TBC1D2: variants seen among roughly 807,000 people sequenced by gnomAD.
TBC1D2 encodes TBC1 domain family member 2.
TBC1D2 carries 58 observed loss-of-function variants against 91.1 expected under a neutral mutation model. The ratio of observed to expected loss-of-function variants is 0.64; its 90% CI spans 0.52 to 0.79. TBC1D2 has a LOEUF of 0.79. Ranked by LOEUF, TBC1D2 falls within the 30% of genes least tolerant of loss-of-function variation. The pLI, the probability that TBC1D2 is intolerant of heterozygous loss-of-function variation, is 0.00. For missense variants in TBC1D2, 1,080 were observed against 1,208.3 expected, an observed-to-expected ratio of 0.89 and a Z score of 1.57; for synonymous variants, 482 against 511.5, an observed-to-expected ratio of 0.94 and a Z score of 0.78.
At chr9:98,213,060 C>G in intron 7 of TBC1D2, 48 bp downstream of exon 7, 2 of 1,603,340 alleles carry the variant, frequency 1.2e-6, no homozygotes, top group Non-Finnish European at 8.5e-7. Flanking sequence ...TGGGGACCAG[C>G]AGAGGGGCCA....
intron 9 of TBC1D2, among the ~76,000 whole-genome samples, chr9:98,205,578 A>T (rs556754606): frequency 6.6e-6 from 1 of 151,726 alleles, no homozygotes; most frequent in Non-Finnish European, 1.5e-5. Context: ...ACAGAGACTC[A>T]CTCTGTTGCC....
intron 9 of TBC1D2, among the ~76,000 whole-genome samples, chr9:98,206,169 G>T (rs1383198412): frequency 2.0e-5 from 3 of 150,742 alleles, no homozygotes; most frequent in African/African-American, 7.3e-5. Context: ...TGTTGGCCAG[G>T]ATGGTCTCGA....
rs1045790534 is a variant in TBC1D2 at position 98,237,503 on chromosome 9, CT to C, written c.648-3955del. 6.0e-5 allele frequency among the ~76,000 whole-genome samples: 9 copies of C among 150,322 alleles called. No homozygotes were observed. In the East Asian group the frequency reaches 7.8e-4, roughly 13 times the overall value. ...ATATTGGGAAGAGTGCGTCTTCAAA[CT>C]TTTTTTTTCTTTTTTTTTTTGAGAT... On this transcript the variant is annotated intron_variant, in intron 3 of 12. Coordinates refer to ENST00000465784, the MANE Select transcript of TBC1D2 (RefSeq NM_001267571.2).
chr9:98,208,527 A>T, intron 9 of TBC1D2, 141 bp downstream of exon 9: 2 of 750,194 alleles, frequency 2.7e-6, no homozygotes, highest in Non-Finnish European at 4.3e-6. Flanking sequence ...CTCAGGTGGT[A>T]ATGCTCTCTC....
At chr9:98,247,820 G>A (rs558220773) in intron 2 of TBC1D2, among the ~76,000 whole-genome samples, 40 of 150,688 alleles carry the variant, frequency 2.7e-4, no homozygotes, top group Admixed American at 4.6e-4. Flanking sequence ...GAACTGATTC[G>A]AAAAAAATAA....
chr9:98,200,651 G>T (rs1269257819), intron 11 of TBC1D2, among the ~76,000 whole-genome samples: 2 of 152,164 alleles, frequency 1.3e-5, no homozygotes, highest in Non-Finnish European at 2.9e-5. Context: ...CATGACTGTG[G>T]GTGAGGCACG....
intron 10 of TBC1D2, among the ~76,000 whole-genome samples, chr9:98,202,034 G>A (rs971002181): frequency 2.0e-5 from 3 of 152,168 alleles, no homozygotes; most frequent in Non-Finnish European, 4.4e-5. Context: ...CATGCCCAGG[G>A]GCCTTGGCGA....
chr9:98,242,148 C>T (rs1829652765), intron 3 of TBC1D2, among the ~76,000 whole-genome samples: 1 of 152,090 alleles, frequency 6.6e-6, no homozygotes, highest in African/African-American at 2.4e-5. Context: ...CCACATGGAA[C>T]ACAAATGCCC....
chr9:98,208,708 A>T lies in TBC1D2; in HGVS notation c.2110T>A (p.Trp704Arg). The stretch of plus-strand genomic sequence containing the variant: ...CAGTAGCCGATGGTGGGGTTCTGCC[A>T]GGAGAAGGCCAGCAGCACCCGGCGG... ...KLRRVLLAFS[W>R]QNPTIGYCQG... Residue 704 changes from tryptophan (W) to arginine (R), a missense_variant, in exon 9 of 13, where the codon TGG (tryptophan) becomes AGG (arginine). Trp to Arg is a moderately radical substitution (Grantham distance 101). Transcript: ENST00000465784. 6.5e-7 allele frequency: 1 copy of T among 1,541,932 alleles called. No individual in the cohort carries two copies. Among genetic ancestry groups the T allele is most frequent in the Non-Finnish European group, 8.8e-7 (1 of 1,141,012 alleles).
At chr9:98,243,235 A>G (rs940702602) in intron 3 of TBC1D2, among the ~76,000 whole-genome samples, 4 of 152,180 alleles carry the variant, frequency 2.6e-5, no homozygotes, top group African/African-American at 9.6e-5. Context: ...TTTGACATGT[A>G]TAGACATTTG....
chr9:98,223,030 G>A (rs10818621), intron 5 of TBC1D2, among the ~76,000 whole-genome samples: 44,504 of 152,180 alleles, frequency 0.29, 6,718 homozygotes, highest in Middle Eastern at 0.36. Flanking sequence ...GCCAGGTGCC[G>A]TGGCCCAGAG....
At chr9:98,204,431 G>A (rs550576814) in intron 9 of TBC1D2, among the ~76,000 whole-genome samples, 1 of 152,278 alleles carries the variant, frequency 6.6e-6, no homozygotes, top group East Asian at 1.9e-4. Context: ...GCACCCATGG[G>A]GGCCTAGTAG....
intron 3 of TBC1D2, among the ~76,000 whole-genome samples, chr9:98,235,983 C>A (rs1056649350): frequency 6.6e-6 from 1 of 150,892 alleles, no homozygotes; most frequent in Non-Finnish European, 1.5e-5. Flanking sequence ...TGCAGTGAGC[C>A]GAGAAAGCGC....
intron 12 of TBC1D2, among the ~76,000 whole-genome samples, chr9:98,200,030 G>A (rs1180791538): frequency 2.6e-5 from 4 of 152,158 alleles, no homozygotes; most frequent in Non-Finnish European, 5.9e-5. Flanking sequence ...TTCAGGGTAG[G>A]GGAAGGTGGG....
intron 9 of TBC1D2, among the ~76,000 whole-genome samples, chr9:98,207,633 G>A (rs1487227752): frequency 6.6e-6 from 1 of 152,242 alleles, no homozygotes; most frequent in Non-Finnish European, 1.5e-5. Flanking sequence ...CTCACTGAAA[G>A]GCTCAAGACT....
intron 3 of TBC1D2, among the ~76,000 whole-genome samples, chr9:98,240,176 T>TGTGTGC (rs1220692999): frequency 6.6e-6 from 1 of 151,832 alleles, no homozygotes; most frequent in Non-Finnish European, 1.5e-5. Context: ...GGTGTGTGTG[T>TGTGTGC]GTGTGTGTGT....
At chr9:98,250,439 G>A (rs1384277834) in intron 2 of TBC1D2, among the ~76,000 whole-genome samples, 2 of 152,146 alleles carry the variant, frequency 1.3e-5, no homozygotes, top group Non-Finnish European at 2.9e-5. Context: ...GACTTTGAGA[G>A]ATGAGGTGTG....
rs1828892107 is a variant in TBC1D2 at position 98,213,168 on chromosome 9, G to T, written c.1425C>A (p.Ile475=). Residue 475 remains isoleucine, a synonymous_variant, in exon 7 of 13, where the codon ATC becomes ATA. Coordinates refer to ENST00000465784, the MANE Select transcript of TBC1D2 (RefSeq NM_001267571.2). ...TTCTCCAGATCTTTGTGACCTGGTGGATCTCGGAGTTGAGGAAGCAGTTCT... is the reference window on the plus strand; with the variant it reads ...TTCTCCAGATCTTTGTGACCTGGTGTATCTCGGAGTTGAGGAAGCAGTTCT... The part of the protein sequence containing the change: ...RTQNCFLNSE[I]HQVTKIWRKV... 2 of 1,614,058 alleles carry T rather than the reference G, an allele frequency of 1.2e-6. No homozygotes were observed. Among genetic ancestry groups the T allele is most frequent in the South Asian group, 2.2e-5 (2 of 91,076 alleles).
At chr9:98,213,005 G>T (rs1828885727) in intron 7 of TBC1D2, 103 bp downstream of exon 7, 2 of 1,293,052 alleles carry the variant, frequency 1.5e-6, no homozygotes, top group Non-Finnish European at 2.2e-6. Flanking sequence ...TTCAGAGGGA[G>T]AGGGGCAGAC....
Sources: allele counts gnomAD v4.1 joint callset (sites outside exome capture counted in the v4.1 genomes callset), GRCh38; gene constraint gnomAD v4.1.1; transcripts MANE v1.5; gene names NCBI Gene and HGNC (gene_info 2026-07-23, HGNC 2026-07-21).